The following ABCB11 variants were observed in gnomAD, a reference collection of about 807,000 sequenced individuals.
The protein encoded by ABCB11 is ATP binding cassette subfamily B member 11.
In ABCB11, 95 loss-of-function variants were observed where a neutral mutation model predicts 148.0. The ratio of observed to expected loss-of-function variants is 0.64; its 90% CI spans 0.54 to 0.76. ABCB11 has a LOEUF of 0.76. Among genes scored for constraint, ABCB11 ranks in the 30% least tolerant of loss-of-function variants. ABCB11 has a pLI of 0.00. For synonymous variants in ABCB11, 591 were observed against 555.4 expected, an observed-to-expected ratio of 1.06 and a Z score of -0.90; for missense variants, 1,523 against 1,617.8, an observed-to-expected ratio of 0.94 and a Z score of 1.01.
At chr2:168,991,768 A>G (rs763321679) in intron 8 of ABCB11, among the ~76,000 whole-genome samples, 4 of 151,844 alleles carry the variant, frequency 2.6e-5, no homozygotes, top group Non-Finnish European at 5.9e-5. Context: ...AAAACAATAT[A>G]TTAATTTCAT....
At position 168,922,769 on chromosome 2, in the gene ABCB11, T is replaced by C. The variant is rs535520239; in HGVS notation, c.*853A>G. Among the ~76,000 whole-genome samples the C allele has an allele frequency of 1.3e-5, 2 of 152,202 alleles. No homozygotes were observed. The highest frequency in any genetic ancestry group is 4.8e-5 in the African/African-American group (2 of 41,452). On this transcript the variant is annotated 3_prime_UTR_variant, in exon 28 of 28. Transcript: ENST00000650372. ...TCTGCCATATTTACTTGCTTTTTTG[T>C]ATAAAACCTTATGAAACTACAGCAA...
intron 6 of ABCB11, 45 bp downstream of exon 6, chr2:168,996,590 T>A: frequency 8.5e-7 from 1 of 1,183,032 alleles, no homozygotes; most frequent in Non-Finnish European, 1.2e-6. Context: ...GTAGTGTCTT[T>A]GAGGTCAGAT....
intron 5 of ABCB11, among the ~76,000 whole-genome samples, chr2:169,007,997 C>A (rs963354230): frequency 4.6e-5 from 7 of 152,210 alleles, no homozygotes; most frequent in Admixed American, 2.6e-4. Context: ...TTATTTATTT[C>A]CAAATGAAAG....
intron 5 of ABCB11, among the ~76,000 whole-genome samples, chr2:169,009,397 C>T (rs1404594868): frequency 6.6e-6 from 1 of 151,750 alleles, no homozygotes; most frequent in Non-Finnish European, 1.5e-5. Context: ...ACTATGCAGC[C>T]ATAAAAAATG....
intron 21 of ABCB11, 133 bp from the exon 22 acceptor site, chr2:168,936,566 C>A: frequency 1.3e-6 from 1 of 789,938 alleles, no homozygotes; most frequent in South Asian, 1.8e-5. Context: ...TTTAACCATT[C>A]TTAAGTGTAC....
At chr2:168,996,497 A>G in intron 6 of ABCB11, 138 bp downstream of exon 6, 1 of 430,344 alleles carries the variant, frequency 2.3e-6, no homozygotes, top group Non-Finnish European at 4.0e-6. Flanking sequence ...ATCCCTCTCC[A>G]TTCTCTCATG....
At chr2:168,978,440 A>G (rs564550841) in intron 11 of ABCB11, among the ~76,000 whole-genome samples, 20 of 151,828 alleles carry the variant, frequency 1.3e-4, no homozygotes, top group South Asian at 2.1e-4. Flanking sequence ...CTGGCCATCA[A>G]TGAACATTTT....
intron 1 of ABCB11, among the ~76,000 whole-genome samples, chr2:169,027,033 G>A (rs534720432): frequency 6.6e-6 from 1 of 151,922 alleles, no homozygotes; most frequent in Admixed American, 6.6e-5. Context: ...CTTTAATTAG[G>A]GTTTCTTAAC....
chr2:168,995,518 G>A, intron 6 of ABCB11, 36 bp from the exon 7 acceptor site: 1 of 1,579,522 alleles, frequency 6.3e-7, no homozygotes, highest in Non-Finnish European at 8.6e-7. Flanking sequence ...GCATTGCAAT[G>A]TTTGAAATAT....
At chr2:168,998,970 C>T (rs576309230) in intron 5 of ABCB11, among the ~76,000 whole-genome samples, 1 of 152,166 alleles carries the variant, frequency 6.6e-6, no homozygotes, top group East Asian at 1.9e-4. Flanking sequence ...GCAGGCCTGG[C>T]TTTGCTCCCT....
intron 19 of ABCB11, among the ~76,000 whole-genome samples, chr2:168,945,207 C>A (rs944390499): frequency 6.6e-6 from 1 of 151,416 alleles, no homozygotes; most frequent in Non-Finnish European, 1.5e-5. Context: ...GGAGGTTATG[C>A]GTGTAGGGTG....
At chr2:168,957,303 A>T (rs963307168) in intron 19 of ABCB11, among the ~76,000 whole-genome samples, 5 of 151,710 alleles carry the variant, frequency 3.3e-5, no homozygotes, top group African/African-American at 1.2e-4. Flanking sequence ...TACCTACCTT[A>T]GACGGTTGTT....
rs1027545957 is a variant in ABCB11, at chr2:168,971,745, T to C, written c.1638+102A>G. On this transcript the variant is annotated intron_variant, in intron 14 of 27. Transcript: ENST00000650372. ...GAAACTAAAACATGGCTTAAGAATT[T>C]AATGACTTGGGAATCATACGAGAAG... 10 of 1,117,002 alleles carry C rather than the reference T, an allele frequency of 9.0e-6. No individual in the cohort carries two copies. The African/African-American group carries it at 1.6e-4, about 17-fold the overall frequency. The allele number at this position is 1,117,002 out of a possible 1,614,324, so 69.2% of individuals were successfully genotyped here.
At chr2:168,949,715 A>T (rs1692474156) in intron 19 of ABCB11, among the ~76,000 whole-genome samples, 1 of 151,536 alleles carries the variant, frequency 6.6e-6, no homozygotes, top group African/African-American at 2.4e-5. Flanking sequence ...TGCCCATATG[A>T]TGGCTAATAC....
chr2:169,009,513 G>A (rs1695117814), intron 5 of ABCB11, among the ~76,000 whole-genome samples: 1 of 145,704 alleles, frequency 6.9e-6, no homozygotes, highest in South Asian at 2.2e-4. Flanking sequence ...TCACTCATAG[G>A]TGGGAATTGA....
intron 19 of ABCB11, among the ~76,000 whole-genome samples, chr2:168,946,453 T>C (rs1692326431): frequency 6.6e-6 from 1 of 151,824 alleles, no homozygotes; most frequent in Non-Finnish European, 1.5e-5. Context: ...TTTTACTGTT[T>C]GTAGGATGAA....
Position 169,018,068 on chromosome 2 carries a change from A to AACC in ABCB11, c.55_57dup (p.Gly19dup). On this transcript the variant is annotated inframe_insertion, in exon 2 of 28. Transcript: ENST00000650372. ...CACTCACATGATTTATCTGACTCAAAACCATCATTCTCCTCTCCAAATTTC... is the reference window on the plus strand; with the variant it reads ...CACTCACATGATTTATCTGACTCAAAACCACCATCATTCTCCTCTCCAAATTTC... 6.2e-7 allele frequency: 1 copy of AACC among 1,613,548 alleles called. No individual in the cohort carries two copies. Among genetic ancestry groups the AACC allele is most frequent in the African/African-American group, 1.3e-5 (1 of 75,020 alleles).
intron 11 of ABCB11, among the ~76,000 whole-genome samples, chr2:168,978,223 G>A (rs1463800557): frequency 1.5e-5 from 2 of 130,042 alleles, no homozygotes; most frequent in Non-Finnish European, 3.1e-5. Flanking sequence ...ATAGCTCACT[G>A]CATCTTCAAA....
At chr2:168,994,532 A>G (rs13404027) in intron 7 of ABCB11, among the ~76,000 whole-genome samples, 7,590 of 152,144 alleles carry the variant, frequency 0.05, 630 homozygotes, top group African/African-American at 0.17. Flanking sequence ...CCAATGGGTA[A>G]TAATGAGGAT....
Sources: gnomAD v4.1 joint callset for allele counts (sites outside exome capture counted in the v4.1 genomes callset) on GRCh38, gnomAD v4.1.1 for gene constraint, MANE v1.5 for transcripts, NCBI Gene and HGNC (gene_info 2026-07-23, HGNC 2026-07-21) for gene names.